ANKRD11: variants seen among roughly 807,000 people sequenced by gnomAD.
ANKRD11 encodes the protein ankyrin repeat domain-containing protein 11.
In ANKRD11, 17 loss-of-function variants were observed where a neutral mutation model predicts 195.7. The ratio of observed to expected loss-of-function variants is 0.09; its 90% CI spans 0.06 to 0.13. The LOEUF (loss-of-function observed/expected upper bound fraction) is 0.13. Among genes scored for constraint, ANKRD11 ranks in the 10% least tolerant of loss-of-function variants. The pLI is 1.00. For missense variants in ANKRD11, 3,735 were observed against 3,566.1 expected (o/e 1.05, Z -1.21); for synonymous variants, 1,953 against 1,528.1 (o/e 1.28, Z -6.49).
chr16:89,286,984 G>C (rs771010690), intron 7 of ANKRD11: 489 of 1,289,668 alleles, frequency 3.8e-4, no homozygotes, highest in Non-Finnish European at 4.5e-4. Context: ...TTCTATTGTT[G>C]AATCAGTACA....
At chr16:89,294,519 C>A (rs1320358890) in intron 4 of ANKRD11, among the ~76,000 whole-genome samples, 2 of 152,174 alleles carry the variant, frequency 1.3e-5, no homozygotes, top group African/African-American at 4.8e-5. Flanking sequence ...AGCTCCGGAG[C>A]CCAGCAAACT....
Position 89,281,196 on chromosome 16 carries a change from A to G in ANKRD11, c.5346T>C (p.Pro1782=), listed in dbSNP as rs1325280103. The change falls in exon 9 of 13, where the codon CCT becomes CCC. Residue 1782 remains proline, a synonymous_variant. Transcript: ENST00000301030. This position sits in a 1 kb window ranked among gnomAD's most constrained non-coding sequence, Gnocchi z 5.5. The part of the protein sequence containing the change: ...SENASQAPAR[P]LSTNLYRSVS... ...CCGAGCGGTAAAGGTTTGTGGAGAG[A>G]GGCCTGGCAGGAGCCTGGCTGGCGT... 1 of 1,614,120 alleles carries G rather than the reference A, an allele frequency of 6.2e-7. No individual in the cohort carries two copies. The highest frequency in any genetic ancestry group is 8.5e-7 in the Non-Finnish European group (1 of 1,180,018).
At chr16:89,398,725 CAGAG>C (rs1242166841) in intron 2 of ANKRD11, among the ~76,000 whole-genome samples, 8 of 151,796 alleles carry the variant, frequency 5.3e-5, no homozygotes, top group Admixed American at 5.2e-4. Context: ...GCCTCAGTGA[CAGAG>C]AGAGATTGTG....
At chr16:89,466,472 G>A (rs2056889169) in intron 1 of ANKRD11, among the ~76,000 whole-genome samples, 1 of 151,996 alleles carries the variant, frequency 6.6e-6, no homozygotes, top group South Asian at 2.1e-4. Flanking sequence ...AGCTGTAAAT[G>A]GTAAATTTTG....
chr16:89,433,137 T>TG (rs1398432099), intron 1 of ANKRD11, among the ~76,000 whole-genome samples: 2 of 152,190 alleles, frequency 1.3e-5, no homozygotes, highest in African/African-American at 4.8e-5. Flanking sequence ...AACAGATGGA[T>TG]ATTCACCATA....
At chr16:89,416,766 C>T (rs1052834590) in intron 2 of ANKRD11, among the ~76,000 whole-genome samples, 1 of 105,978 alleles carries the variant, frequency 9.4e-6, no homozygotes, top group African/African-American at 3.5e-5. Context: ...TCTGTTTCTA[C>T]AAAAAAAAAA....
chr16:89,475,387 G>A (rs2965960), intron 1 of ANKRD11, among the ~76,000 whole-genome samples: 105,725 of 151,930 alleles, frequency 0.7, 37,013 homozygotes, highest in Middle Eastern at 0.86. Context: ...GCTCCCTCAT[G>A]AAAGCCCCGT....
intron 11 of ANKRD11, among the ~76,000 whole-genome samples, chr16:89,273,360 G>A (rs2033349839): frequency 6.6e-6 from 1 of 152,152 alleles, no homozygotes; most frequent in South Asian, 2.1e-4. Context: ...AAACTTATCA[G>A]CATCCAGCCC....
chr16:89,447,717 G>C (rs895877581), intron 1 of ANKRD11, among the ~76,000 whole-genome samples: 6 of 150,038 alleles, frequency 4.0e-5, no homozygotes, highest in East Asian at 4.0e-4. Context: ...GATTACAGGC[G>C]TGAGCCACCG....
At chr16:89,324,217 C>T (rs1343467740) in intron 2 of ANKRD11, 44 of 1,194,626 alleles carry the variant, frequency 3.7e-5, no homozygotes, top group Non-Finnish European at 3.8e-5. Flanking sequence ...GCATTACTGG[C>T]CTCTGCTTTG....
intron 1 of ANKRD11, among the ~76,000 whole-genome samples, chr16:89,486,447 CAAAA>C (rs113833196): frequency 5.8e-5 from 6 of 103,334 alleles, no homozygotes; most frequent in Non-Finnish European, 4.2e-5. Context: ...GACCCTGCCT[CAAAA>C]AAAAAAAAAA....
intron 1 of ANKRD11, among the ~76,000 whole-genome samples, chr16:89,448,048 G>A (rs900395323): frequency 2.0e-5 from 3 of 150,460 alleles, no homozygotes; most frequent in East Asian, 2.0e-4. Flanking sequence ...CAGGTGATCC[G>A]CCCACCTTGG....
At chr16:89,293,000 A>G (rs1025667814) in intron 4 of ANKRD11, among the ~76,000 whole-genome samples, 1 of 152,076 alleles carries the variant, frequency 6.6e-6, no homozygotes, top group African/African-American at 2.4e-5. Flanking sequence ...GCTGCTGGAG[A>G]AACCCCAGCT....
At chr16:89,415,420 A>G (rs1347137010) in intron 2 of ANKRD11, among the ~76,000 whole-genome samples, 1 of 149,898 alleles carries the variant, frequency 6.7e-6, no homozygotes, top group Non-Finnish European at 1.5e-5. Flanking sequence ...GCCTGCCACC[A>G]TGCCCGGCTA....
intron 2 of ANKRD11, among the ~76,000 whole-genome samples, chr16:89,334,174 CAG>C (rs1159181558): frequency 5.3e-5 from 4 of 74,772 alleles, no homozygotes; most frequent in African/African-American, 1.2e-4. Flanking sequence ...AAAAAAAAAA[CAG>C]AGAGAGAGAG....
chr16:89,449,503 G>C (rs976420958), intron 1 of ANKRD11, among the ~76,000 whole-genome samples: 8 of 151,912 alleles, frequency 5.3e-5, no homozygotes, highest in Middle Eastern at 3.2e-3. Context: ...CTTAGAAAGG[G>C]GGTGTGCAGG....
At chr16:89,405,961 C>T (rs1260864899) in intron 2 of ANKRD11, among the ~76,000 whole-genome samples, 1 of 151,970 alleles carries the variant, frequency 6.6e-6, no homozygotes, top group Non-Finnish European at 1.5e-5. Context: ...AAGACAAAAA[C>T]TTACCGGGCG....
chr16:89,436,840 C>A (rs965022984), intron 1 of ANKRD11, among the ~76,000 whole-genome samples: 1 of 152,182 alleles, frequency 6.6e-6, no homozygotes, highest in Non-Finnish European at 1.5e-5. Context: ...GAAGGTTGGA[C>A]AATGGTATTG....
intron 3 of ANKRD11, among the ~76,000 whole-genome samples, chr16:89,315,333 G>A (rs2036885733): frequency 6.6e-6 from 1 of 152,168 alleles, no homozygotes; most frequent in Non-Finnish European, 1.5e-5. Flanking sequence ...GGCCAGGGCG[G>A]CGACGTGAAG....
Sources: gnomAD v4.1 joint callset for allele counts (sites outside exome capture counted in the v4.1 genomes callset) on GRCh38, gnomAD v4.1.1 for gene constraint, Gnocchi (gnomAD v3.1) non-coding constraint, MANE v1.5 for transcripts, NCBI Gene and HGNC (gene_info 2026-07-23, HGNC 2026-07-21) for gene names.